Variants in CAMTA1 observed in about 807,000 individuals in gnomAD.
CAMTA1 encodes the protein calmodulin-binding transcription activator 1.
A neutral mutation model predicts 170.9 loss-of-function variants in CAMTA1; 27 were observed. That is an observed-to-expected ratio of 0.16 (90% CI 0.12 to 0.22). CAMTA1 has a LOEUF of 0.22. Among genes scored for constraint, CAMTA1 ranks in the 10% least tolerant of loss-of-function variants. The probability of loss-of-function intolerance (pLI) is 1.00; values close to 1 mark genes in which losing one functional copy is unlikely to be tolerated. For missense variants in CAMTA1, 1,619 were observed against 2,217.2 expected, an observed-to-expected ratio of 0.73 and a Z score of 5.42; for synonymous variants, 833 against 891.5, an observed-to-expected ratio of 0.93 and a Z score of 1.17.
At chr1:7,535,481 G>C (rs2094538593) in intron 6 of CAMTA1, among the ~76,000 whole-genome samples, 1 of 152,188 alleles carries the variant, frequency 6.6e-6, no homozygotes, top group African/African-American at 2.4e-5. Context: ...AGGGGCTCTG[G>C]GACGTCTGGG....
At chr1:7,459,019 C>T (rs577260908) in intron 5 of CAMTA1, among the ~76,000 whole-genome samples, 2 of 152,224 alleles carry the variant, frequency 1.3e-5, no homozygotes, top group Non-Finnish European at 2.9e-5. Flanking sequence ...AATCCTTCAG[C>T]GAGGACAGTC....
At chr1:6,940,664 C>G (rs1461116084) in intron 3 of CAMTA1, among the ~76,000 whole-genome samples, 1 of 151,930 alleles carries the variant, frequency 6.6e-6, no homozygotes, top group Admixed American at 6.5e-5. Context: ...TTTTGGGGGC[C>G]AAGGGTCCAG....
At chr1:6,836,452 C>T (rs573485895) in intron 3 of CAMTA1, among the ~76,000 whole-genome samples, 1 of 152,056 alleles carries the variant, frequency 6.6e-6, no homozygotes, top group Middle Eastern at 3.4e-3. Flanking sequence ...ACTGGTCTGG[C>T]GAAGGGGGTA....
At chr1:7,259,907 T>C (rs1266237235) in intron 5 of CAMTA1, among the ~76,000 whole-genome samples, 1 of 152,258 alleles carries the variant, frequency 6.6e-6, no homozygotes. Flanking sequence ...GTCTGTTCAC[T>C]GCTATAGCCC....
intron 3 of CAMTA1, among the ~76,000 whole-genome samples, 149 bp from the exon 4 acceptor site, chr1:7,091,149 TAGAAAC>T (rs1336540508): frequency 6.6e-6 from 1 of 152,112 alleles, no homozygotes; most frequent in African/African-American, 2.4e-5. Flanking sequence ...AAAATCAAAA[TAGAAAC>T]AGAGTCCAAG....
At chr1:7,540,391 A>G (rs2094596151) in intron 6 of CAMTA1, among the ~76,000 whole-genome samples, 1 of 152,030 alleles carries the variant, frequency 6.6e-6, no homozygotes, top group Non-Finnish European at 1.5e-5. Flanking sequence ...CCTAACCTGG[A>G]GTCTCTCCAT....
intron 4 of CAMTA1, among the ~76,000 whole-genome samples, chr1:7,131,628 C>A (rs1645261672): frequency 6.6e-6 from 1 of 151,816 alleles, no homozygotes; most frequent in Non-Finnish European, 1.5e-5. Context: ...CACTGAAAAC[C>A]AATTCACCAT....
intron 6 of CAMTA1, among the ~76,000 whole-genome samples, chr1:7,548,870 T>C (rs1230617775): frequency 1.3e-4 from 10 of 75,758 alleles, no homozygotes; most frequent in African/African-American, 1.8e-4. Context: ...GTGGAGGTGC[T>C]GGTGGAGGGT....
At chr1:7,258,846 G>A (rs1162700117) in intron 5 of CAMTA1, among the ~76,000 whole-genome samples, 2 of 152,112 alleles carry the variant, frequency 1.3e-5, no homozygotes, top group Non-Finnish European at 2.9e-5. Context: ...GCTTGTCCTC[G>A]GATAGTCGCG....
At chr1:6,903,577 C>T (rs977071685) in intron 3 of CAMTA1, among the ~76,000 whole-genome samples, 2 of 152,194 alleles carry the variant, frequency 1.3e-5, no homozygotes, top group African/African-American at 4.8e-5. Flanking sequence ...AAAGACTCAG[C>T]TTGTGATTGT....
chr1:7,458,810 G>C (rs1206356393), intron 5 of CAMTA1, among the ~76,000 whole-genome samples: 1 of 152,248 alleles, frequency 6.6e-6, no homozygotes, highest in African/African-American at 2.4e-5. Flanking sequence ...AAGAGGCCAG[G>C]CTAGAGCCCT....
chr1:7,713,609 C>T (rs1437942567), intron 11 of CAMTA1, among the ~76,000 whole-genome samples: 1 of 152,176 alleles, frequency 6.6e-6, no homozygotes, highest in East Asian at 1.9e-4. Flanking sequence ...TTTGATACAA[C>T]ATTTTGTGTT....
At chr1:7,594,115 GA>G (rs1557972386) in intron 6 of CAMTA1, among the ~76,000 whole-genome samples, 1 of 146,200 alleles carries the variant, frequency 6.8e-6, no homozygotes, top group Non-Finnish European at 1.5e-5. Context: ...AAGAAAGAAA[GA>G]GAGAAAGAAA....
At chr1:6,839,653 G>A (rs1570735744) in intron 3 of CAMTA1, among the ~76,000 whole-genome samples, 1 of 152,256 alleles carries the variant, frequency 6.6e-6, no homozygotes, top group Middle Eastern at 3.4e-3. Context: ...AGATTTCGTA[G>A]GAAAGGCCTT....
intron 5 of CAMTA1, among the ~76,000 whole-genome samples, chr1:7,261,025 C>A (rs1018827714): frequency 2.0e-5 from 3 of 152,108 alleles, no homozygotes; most frequent in African/African-American, 7.2e-5. Context: ...ATAAGGAAAT[C>A]AAAGATTCGG....
chr1:7,259,627 A>T (rs545119840), intron 5 of CAMTA1, among the ~76,000 whole-genome samples: 2 of 152,370 alleles, frequency 1.3e-5, no homozygotes, highest in Admixed American at 6.5e-5. Context: ...CTTAAGAGAA[A>T]AGTCCAAGGG....
At chr1:7,031,748 A>G (rs773881412) in intron 3 of CAMTA1, among the ~76,000 whole-genome samples, 11 of 152,116 alleles carry the variant, frequency 7.2e-5, no homozygotes, top group East Asian at 3.9e-4. Context: ...TCACTGTGTT[A>G]GCCAGGATGG....
At chr1:6,921,473 C>G (rs1047411924) in intron 3 of CAMTA1, among the ~76,000 whole-genome samples, 2 of 152,246 alleles carry the variant, frequency 1.3e-5, no homozygotes, top group African/African-American at 4.8e-5. Context: ...CCAAACTGTT[C>G]CAGCCTCTGC....
At chr1:7,278,805 G>A (rs1293138650) in intron 5 of CAMTA1, among the ~76,000 whole-genome samples, 5 of 152,294 alleles carry the variant, frequency 3.3e-5, no homozygotes, top group Non-Finnish European at 5.9e-5. Flanking sequence ...CTTCCAGTCC[G>A]GTAGAGGAGA....
Sources: allele counts gnomAD v4.1 joint callset (sites outside exome capture counted in the v4.1 genomes callset), GRCh38; gene constraint gnomAD v4.1.1; transcripts MANE v1.5; gene names NCBI Gene and HGNC (gene_info 2026-07-23, HGNC 2026-07-21).